Variants in STK32B observed in about 807,000 individuals in gnomAD.
STK32B encodes the protein serine/threonine kinase 32B, also known as serine/threonine-protein kinase 32B.
A neutral mutation model predicts 52.6 loss-of-function variants in STK32B; 43 were observed. The ratio of observed to expected loss-of-function variants is 0.82; its 90% confidence interval spans 0.64 to 1.05. STK32B has a LOEUF of 1.05. Ranked by LOEUF, STK32B falls within the 50% of genes least tolerant of loss-of-function variation. The pLI, the probability that STK32B is intolerant of heterozygous loss-of-function variation, is 0.00. For missense variants in STK32B, 621 were observed against 534.6 expected (o/e 1.16, Z -1.59); for synonymous variants, 238 against 204.3 (o/e 1.17, Z -1.41).
At chr4:5,439,219 A>G (rs1301842374) in intron 6 of STK32B, among the ~76,000 whole-genome samples, 1 of 150,542 alleles carries the variant, frequency 6.6e-6, no homozygotes, top group Admixed American at 6.6e-5. Context: ...AGTCCCACCA[A>G]CAGTGTGAAA....
chr4:5,424,580 G>A (rs1172442752), intron 6 of STK32B, among the ~76,000 whole-genome samples: 1 of 152,208 alleles, frequency 6.6e-6, no homozygotes, highest in African/African-American at 2.4e-5. Context: ...CCAGCTGAGA[G>A]CTGAACAGAC....
At chr4:5,089,985 A>G (rs1234505564) in intron 1 of STK32B, among the ~76,000 whole-genome samples, 1 of 151,900 alleles carries the variant, frequency 6.6e-6, no homozygotes, top group Admixed American at 6.6e-5. Context: ...GCTTTTTTTC[A>G]TATGTTTGGT....
chr4:5,317,222 TATTA>T (rs1336951545), intron 3 of STK32B, among the ~76,000 whole-genome samples: 1 of 45,614 alleles, frequency 2.2e-5, no homozygotes, highest in African/African-American at 2.0e-4. Flanking sequence ...AACATATATA[TATTA>T]TATATAACAT....
Position 5,400,649 on chromosome 4 carries a change from A to G in STK32B, c.472+2405A>G, listed in dbSNP as rs972875177. On this transcript the variant is annotated intron_variant, in intron 5 of 11. Coordinates refer to ENST00000282908, the MANE Select transcript of STK32B (RefSeq NM_018401.3). This position sits in a 1 kb window ranked among gnomAD's most constrained non-coding sequence, Gnocchi z 6.1. ...TGGTACAGAAAAGAAATTTAGGAGC[A>G]GGGAATTCCGCTCAGAAAAAGAAGA... 6.6e-6 allele frequency among the ~76,000 whole-genome samples: 1 copy of G among 152,226 alleles called. No individual in the cohort carries two copies. Among genetic ancestry groups the G allele is most frequent in the Admixed American group, 6.5e-5 (1 of 15,286 alleles).
chr4:5,230,126 C>G (rs917039056), intron 3 of STK32B, among the ~76,000 whole-genome samples: 1 of 149,608 alleles, frequency 6.7e-6, no homozygotes, highest in South Asian at 2.1e-4. Flanking sequence ...CTCCCAAAAC[C>G]TAGTACTTTA....
At position 5,143,124 on chromosome 4, in the gene STK32B, T is replaced by TGTCTGTCTGTCTGTCC. The variant is rs1553835286; in HGVS notation, c.108+3172_108+3173insGTCTGTCCGTCTGTCT. On this transcript the variant is annotated intron_variant, in intron 2 of 11. Coordinates refer to ENST00000282908, the MANE Select transcript of STK32B (RefSeq NM_018401.3). The stretch of plus-strand genomic sequence containing the variant: ...GTCTCTGTCTGTCTGTCTGTCTGTC[T>TGTCTGTCTGTCTGTCC]GTCTGTCTATCTGTCTGTCTATCTG... Among the ~76,000 whole-genome samples, 48 of 150,612 alleles carry TGTCTGTCTGTCTGTCC rather than the reference T, an allele frequency of 3.2e-4. 1 individual carries two copies. The highest frequency in any genetic ancestry group is 7.3e-4 in the African/African-American group (30 of 41,120).
chr4:5,117,756 T>A (rs1714818027), intron 1 of STK32B, among the ~76,000 whole-genome samples: 1 of 152,224 alleles, frequency 6.6e-6, no homozygotes, highest in Non-Finnish European at 1.5e-5. Flanking sequence ...GTATATATTA[T>A]GTAATCAAAT....
chr4:5,176,094 C>G (rs1719859206), intron 3 of STK32B, among the ~76,000 whole-genome samples: 1 of 152,258 alleles, frequency 6.6e-6, no homozygotes, highest in African/African-American at 2.4e-5. Context: ...GTAGGACCCT[C>G]TGAGCCATGT....
At chr4:5,071,701 A>C (rs548975639) in intron 1 of STK32B, among the ~76,000 whole-genome samples, 1 of 152,170 alleles carries the variant, frequency 6.6e-6, no homozygotes, top group Non-Finnish European at 1.5e-5. Context: ...CATTAACCAG[A>C]ATTATGTTTG....
chr4:5,457,605 C>G (rs1035010475), intron 8 of STK32B, among the ~76,000 whole-genome samples: 11 of 148,490 alleles, frequency 7.4e-5, no homozygotes, highest in African/African-American at 2.2e-4. Flanking sequence ...CAGTGTCTCA[C>G]GCCTGTAATT....
chr4:5,184,140 C>T (rs534060897), intron 3 of STK32B, among the ~76,000 whole-genome samples: 101 of 152,312 alleles, frequency 6.6e-4, no homozygotes, highest in African/African-American at 2.4e-3. Flanking sequence ...TTTGGCTTTT[C>T]ACATGCCTTC....
rs1029964583 is a variant in STK32B, at chr4:5,499,659, G to C, written c.*576G>C. 2 of 151,258 alleles carry C rather than the reference G, an allele frequency of 1.3e-5. No homozygotes were observed. Among genetic ancestry groups the C allele is most frequent in the East Asian group, 3.9e-4 (2 of 5,150 alleles). 9.4% of individuals were successfully genotyped at this position (151,258 alleles called of 1,614,324 possible). A position where few individuals can be genotyped will look rare whatever the true frequency, so the allele number is the denominator to read the frequency against. ...TCTGGCAGGCCACAGTCCTGAGCTT[G>C]TAAGATGGTGCAGCATGCAGACCAG... On this transcript the variant is annotated 3_prime_UTR_variant, in exon 12 of 12. Transcript: ENST00000282908.
intron 3 of STK32B, among the ~76,000 whole-genome samples, chr4:5,238,804 C>G (rs908939347): frequency 7.9e-5 from 12 of 152,208 alleles, no homozygotes; most frequent in Non-Finnish European, 1.3e-4. Flanking sequence ...CACTGCGTGT[C>G]AGCACCACAA....
chr4:5,252,931 C>T (rs11942948), intron 3 of STK32B, among the ~76,000 whole-genome samples: 9,721 of 152,084 alleles, frequency 0.064, 386 homozygotes, highest in African/African-American at 0.11. Context: ...TGTTGTAACC[C>T]GCTCACTGTG....
In STK32B at chr4:5,245,682, A is replaced by T. The variant is rs373432726; in HGVS notation, c.260+77232A>T. 9.9e-5 allele frequency among the ~76,000 whole-genome samples: 15 copies of T among 152,136 alleles called. No individual in the cohort carries two copies. In the East Asian group the frequency reaches 1.9e-3, roughly 20 times the overall value. On this transcript the variant is annotated intron_variant, in intron 3 of 11. Coordinates refer to ENST00000282908, the MANE Select transcript of STK32B (RefSeq NM_018401.3). ...CTTCCTAGCCTCGATGGTCTTTACA[A>T]TTTGGCATGTTTTCGCAGTGGCTGG...
rs549792900 is a variant in STK32B at position 5,317,036 on chromosome 4, A to C, written c.261-14184A>C. Among the ~76,000 whole-genome samples the C allele has an allele frequency of 3.8e-4, 9 of 23,652 alleles. 1 individual carries two copies. In the South Asian group the frequency reaches 0.011, roughly 28 times the overall value. 15.5% of individuals were successfully genotyped at this position (23,652 alleles called of 152,430 possible). On this transcript the variant is annotated intron_variant, in intron 3 of 11. Coordinates refer to ENST00000282908, the MANE Select transcript of STK32B (RefSeq NM_018401.3). ...TATAATATATAATATATATGATATA[A>C]TATATTATATATATAATATATATGA...
intron 4 of STK32B, among the ~76,000 whole-genome samples, 190 bp downstream of exon 4, chr4:5,331,583 A>G (rs943336071): frequency 1.3e-5 from 2 of 152,140 alleles, no homozygotes; most frequent in African/African-American, 4.8e-5. Flanking sequence ...TACATCTCCC[A>G]TCCTATACCC....
At chr4:5,311,654 C>T (rs1361265158) in intron 3 of STK32B, among the ~76,000 whole-genome samples, 1 of 152,084 alleles carries the variant, frequency 6.6e-6, no homozygotes, top group African/African-American at 2.4e-5. Context: ...ATTGTGAACA[C>T]ATTTTTACTC....
At chr4:5,431,546 T>G (rs1328282948) in intron 6 of STK32B, among the ~76,000 whole-genome samples, 2 of 152,148 alleles carry the variant, frequency 1.3e-5, no homozygotes, top group Non-Finnish European at 2.9e-5. Flanking sequence ...TTGAACACAT[T>G]TAACATGAAG....
Sources: allele counts gnomAD v4.1 joint callset (sites outside exome capture counted in the v4.1 genomes callset), GRCh38; gene constraint gnomAD v4.1.1; non-coding constraint Gnocchi (gnomAD v3.1); transcripts MANE v1.5; gene names NCBI Gene and HGNC (gene_info 2026-07-23, HGNC 2026-07-21).